MTF2: variants seen among roughly 807,000 people sequenced by gnomAD.
MTF2 encodes metal response element binding transcription factor 2, also known as metal-response element-binding transcription factor 2.
In MTF2, 11 loss-of-function variants were observed where a neutral mutation model predicts 79.5. The ratio of observed to expected loss-of-function variants is 0.14; its 90% CI spans 0.09 to 0.23. The LOEUF is 0.23. Ranked by LOEUF, MTF2 falls within the 10% of genes least tolerant of loss-of-function variation. The pLI, the probability that MTF2 is intolerant of heterozygous loss-of-function variation, is 1.00. For missense variants in MTF2, 486 were observed against 711.2 expected (o/e 0.68, Z 3.60); for synonymous variants, 208 against 232.8 (o/e 0.89, Z 0.97).
rs528488210 is a variant in MTF2, at chr1:93,138,366, G to A, written c.*1339G>A. 4 of 151,938 alleles carry A rather than the reference G, an allele frequency of 2.6e-5. No homozygotes were observed. The highest frequency in any genetic ancestry group is 5.9e-5 in the Non-Finnish European group (4 of 67,968). 9.4% of individuals were successfully genotyped at this position (151,938 alleles called of 1,614,324 possible). ...CATTTTACTTTTAAAAGTGATTGGT[G>A]GATTTTAGACTAATTATGGGGGAAT... is the stretch of plus-strand genomic sequence containing the variant. On this transcript the variant is annotated 3_prime_UTR_variant, in exon 15 of 15. Coordinates refer to ENST00000370298, the MANE Select transcript of MTF2 (RefSeq NM_007358.4).
intron 1 of MTF2, among the ~76,000 whole-genome samples, chr1:93,105,910 G>A (rs1178970703): frequency 1.3e-5 from 2 of 152,120 alleles, no homozygotes; most frequent in African/African-American, 2.4e-5. Flanking sequence ...TCCTGACCTC[G>A]TGATCTGCCC....
At position 93,119,313 on chromosome 1, in the gene MTF2, CTT is replaced by C. The variant is rs74464389; in HGVS notation, c.729-7_729-6del. On this transcript the variant is annotated intron_variant, in intron 7 of 14. Coordinates refer to ENST00000370298, the MANE Select transcript of MTF2 (RefSeq NM_007358.4). ...CTGATGACTCAGTATAAAACTTTTT[CTT>C]TTTTTTTTTTTTCTTAGATTTTATA... The C allele has an allele frequency of 2.4e-4, 309 of 1,290,746 alleles. No homozygotes were observed. Among genetic ancestry groups the C allele is most frequent in the Admixed American group, 6.4e-4 (26 of 40,942 alleles). 80.0% of individuals were successfully genotyped at this position (1,290,746 alleles called of 1,614,324 possible).
intron 9 of MTF2, among the ~76,000 whole-genome samples, chr1:93,124,687 A>G (rs927909660): frequency 1.3e-5 from 2 of 152,050 alleles, no homozygotes; most frequent in Admixed American, 6.6e-5. Flanking sequence ...TATAATTAGC[A>G]TATAGTATGG....
At chr1:93,120,374 G>A (rs1331111002) in intron 8 of MTF2, 175 bp from the exon 9 acceptor site, 4 of 427,218 alleles carry the variant, frequency 9.4e-6, no homozygotes, top group Non-Finnish European at 1.6e-5. Flanking sequence ...ATAAGTGAAT[G>A]TTTAGTCACT....
chr1:93,082,261 T>C (rs1654637421), intron 1 of MTF2, among the ~76,000 whole-genome samples: 1 of 150,636 alleles, frequency 6.6e-6, no homozygotes, highest in South Asian at 2.1e-4. Flanking sequence ...AGTGAGCTTT[T>C]ATGTAACCAT....
In MTF2 at chr1:93,138,358, TGATTGGTG is replaced by T. The variant is rs1647486196; in HGVS notation, c.*1336_*1343del. The T allele has an allele frequency of 1.3e-5, 2 of 152,180 alleles. No homozygotes were observed. The highest frequency in any genetic ancestry group is 4.1e-4 in the South Asian group (2 of 4,836). The allele number at this position is 152,180 out of a possible 1,614,324, so 9.4% of individuals were successfully genotyped here. A position where few individuals can be genotyped will look rare whatever the true frequency, so the allele number is the denominator to read the frequency against. On this transcript the variant is annotated 3_prime_UTR_variant, in exon 15 of 15. Coordinates refer to ENST00000370298, the MANE Select transcript of MTF2 (RefSeq NM_007358.4). ...TGGCTATTCATTTTACTTTTAAAAG[TGATTGGTG>T]GATTTTAGACTAATTATGGGGGAAT...
rs144638348 is a variant in MTF2 at position 93,087,291 on chromosome 1, G to T, written c.5+7760G>T. 4.5e-3 allele frequency among the ~76,000 whole-genome samples: 678 copies of T among 152,278 alleles called. 2 individuals are homozygous for T. Among genetic ancestry groups the T allele is most frequent in the Admixed American group, 0.01 (154 of 15,298 alleles). ...TTAGACTTATAAAAAAGGCCTTAAG[G>T]CTGGGTGTGGTGGCTCACGCCTGTA... On this transcript the variant is annotated intron_variant, in intron 1 of 14. Coordinates refer to ENST00000370298, the MANE Select transcript of MTF2 (RefSeq NM_007358.4).
At chr1:93,099,638 T>C (rs1394797593) in intron 1 of MTF2, among the ~76,000 whole-genome samples, 1 of 152,188 alleles carries the variant, frequency 6.6e-6, no homozygotes, top group Non-Finnish European at 1.5e-5. Context: ...GCAAGGTTTA[T>C]ACAGCCTTCT....
chr1:93,108,052 G>C (rs1655876994), intron 1 of MTF2, among the ~76,000 whole-genome samples: 1 of 152,222 alleles, frequency 6.6e-6, no homozygotes, highest in Non-Finnish European at 1.5e-5. Flanking sequence ...GGGATTACAG[G>C]CGTCAGCCAT....
At chr1:93,082,017 C>T (rs1340709618) in intron 1 of MTF2, among the ~76,000 whole-genome samples, 1 of 152,170 alleles carries the variant, frequency 6.6e-6, no homozygotes, top group Non-Finnish European at 1.5e-5. Context: ...ATTTTTACCA[C>T]ATACCATGTC....
intron 1 of MTF2, among the ~76,000 whole-genome samples, chr1:93,101,832 C>T: frequency 6.6e-6 from 1 of 152,038 alleles, no homozygotes; most frequent in East Asian, 1.9e-4. Flanking sequence ...CCCGCCTTGG[C>T]CTCCCAAAGA....
chr1:93,119,117 A>G (rs1010736549), intron 7 of MTF2, among the ~76,000 whole-genome samples: 1 of 152,248 alleles, frequency 6.6e-6, no homozygotes, highest in African/African-American at 2.4e-5. Flanking sequence ...TTAAAAACAA[A>G]GATCCTTTCT....
intron 1 of MTF2, among the ~76,000 whole-genome samples, chr1:93,095,750 A>C (rs536188370): frequency 6.7e-6 from 1 of 150,010 alleles, no homozygotes; most frequent in Non-Finnish European, 1.5e-5. Flanking sequence ...CCACCTCCCA[A>C]GTTTAAACGA....
chr1:93,102,523 T>C (rs891488158), intron 1 of MTF2, among the ~76,000 whole-genome samples: 10 of 151,884 alleles, frequency 6.6e-5, no homozygotes, highest in African/African-American at 1.5e-4. Flanking sequence ...GCCCGGGAGA[T>C]TGAGGCTGCA....
intron 1 of MTF2, among the ~76,000 whole-genome samples, chr1:93,088,803 G>T (rs1045599910): frequency 6.6e-6 from 1 of 152,092 alleles, no homozygotes; most frequent in African/African-American, 2.4e-5. Flanking sequence ...CTGACCTCAA[G>T]TGATCTGCCT....
chr1:93,120,689 C>T lies in MTF2; in HGVS notation c.921+17C>T. On this transcript the variant is annotated intron_variant, in intron 9 of 14. Transcript: ENST00000370298. ...CCTGGAGAGGTAGGTGGTCTGAGAA[C>T]TAACTTCAGTAGCTACTTGATGTCT... 6.2e-7 allele frequency: 1 copy of T among 1,601,184 alleles called. No homozygotes were observed. Among genetic ancestry groups the T allele is most frequent in the Non-Finnish European group, 8.5e-7 (1 of 1,176,046 alleles).
chr1:93,115,388 G>A (rs1347212916), intron 5 of MTF2, 82 bp from the exon 6 acceptor site: 3 of 1,123,198 alleles, frequency 2.7e-6, no homozygotes, highest in Non-Finnish European at 2.4e-6. Context: ...TTCTCCAGAA[G>A]TGTCAGAGTC....
intron 1 of MTF2, among the ~76,000 whole-genome samples, chr1:93,082,289 T>C (rs1571209601): frequency 1.3e-5 from 2 of 151,396 alleles, no homozygotes; most frequent in South Asian, 4.2e-4. Context: ...TTTTTTTTTT[T>C]CTGTAAAAAG....
Position 93,125,882 on chromosome 1 carries a change from TTGCCTACTTA to T in MTF2, c.922-1347_922-1338del, listed in dbSNP as rs1656675961. Among the ~76,000 whole-genome samples, 3 of 152,228 alleles carry T rather than the reference TTGCCTACTTA, an allele frequency of 2.0e-5. No homozygotes were observed. In the South Asian group the frequency reaches 6.2e-4, roughly 32 times the overall value. On this transcript the variant is annotated intron_variant, in intron 9 of 14. Transcript: ENST00000370298. ...TGAAAGAGCTCTGGGGAGGAAGATTTTGCCTACTTATGGAATGGGCTTTTTTAGTTGGTGC... is the reference window on the plus strand; with the variant it reads ...TGAAAGAGCTCTGGGGAGGAAGATTTTGGAATGGGCTTTTTTAGTTGGTGC...
Sources: allele counts gnomAD v4.1 joint callset (sites outside exome capture counted in the v4.1 genomes callset), GRCh38; gene constraint gnomAD v4.1.1; transcripts MANE v1.5; gene names NCBI Gene and HGNC (gene_info 2026-07-23, HGNC 2026-07-21).